The following MPPED1 variants were observed in gnomAD, a reference collection of about 807,000 sequenced individuals.
The protein encoded by MPPED1 is metallophosphoesterase domain-containing protein 1.
A neutral mutation model predicts 36.2 loss-of-function variants in MPPED1; 16 were observed. The ratio of observed to expected loss-of-function variants is 0.44; its 90% CI spans 0.30 to 0.67. The LOEUF (loss-of-function observed/expected upper bound fraction) is 0.67. Ranked by LOEUF, MPPED1 falls within the 30% of genes least tolerant of loss-of-function variation. The probability of loss-of-function intolerance (pLI) is 0.10; values close to 1 mark genes in which losing one functional copy is unlikely to be tolerated. For missense variants in MPPED1, 307 were observed against 453.4 expected (o/e 0.68, Z 2.93); for synonymous variants, 199 against 191.3 (o/e 1.04, Z -0.33).
intron 3 of MPPED1, among the ~76,000 whole-genome samples, chr22:43,455,936 A>G (rs1180093874): frequency 3.3e-5 from 5 of 152,346 alleles, no homozygotes; most frequent in African/African-American, 1.2e-4. Flanking sequence ...CAGAAATCTG[A>G]CATTCAGGTG....
At chr22:43,437,527 CCTT>C (rs1487033588) in intron 3 of MPPED1, among the ~76,000 whole-genome samples, 3 of 152,106 alleles carry the variant, frequency 2.0e-5, no homozygotes, top group African/African-American at 7.2e-5. Flanking sequence ...TGTTGCCTCT[CCTT>C]CTTGAGGTGA....
intron 6 of MPPED1, among the ~76,000 whole-genome samples, chr22:43,503,862 G>T (rs1932769822): frequency 6.6e-6 from 1 of 152,168 alleles, no homozygotes. Flanking sequence ...GGACTCCAAA[G>T]AATAGGTCCT....
chr22:43,503,030 G>A (rs1457432935), intron 6 of MPPED1, among the ~76,000 whole-genome samples: 1 of 152,234 alleles, frequency 6.6e-6, no homozygotes, highest in Non-Finnish European at 1.5e-5. Flanking sequence ...AGCCTGGGAA[G>A]CCGTCGGGAG....
chr22:43,502,831 C>T lies in MPPED1; in HGVS notation c.862+74C>T, dbSNP rs186690109. ...GGACCCTCCAGCAGGACCTCCCCTT[C>T]GTTCAGCCAGAAGGGAAATAAATAG... On this transcript the variant is annotated intron_variant, in intron 6 of 6. Coordinates refer to ENST00000443721, the MANE Select transcript of MPPED1 (RefSeq NM_001044370.2). The surrounding 1 kb of genome is among the most constrained non-coding windows in gnomAD (Gnocchi z 5.5). The T allele has an allele frequency of 3.2e-4, 403 of 1,265,120 alleles. 3 individuals are homozygous for T. In the African/African-American group the frequency reaches 5.2e-3, roughly 16 times the overall value. The allele number at this position is 1,265,120 out of a possible 1,614,324, so 78.4% of individuals were successfully genotyped here.
intron 5 of MPPED1, among the ~76,000 whole-genome samples, chr22:43,501,458 C>T (rs990721312): frequency 1.2e-4 from 18 of 152,070 alleles, no homozygotes; most frequent in African/African-American, 4.8e-5. Context: ...GCTCTCCAGA[C>T]GCCCCGCCCG....
chr22:43,442,424 C>T (rs1417126433), intron 3 of MPPED1, among the ~76,000 whole-genome samples: 1 of 152,130 alleles, frequency 6.6e-6, no homozygotes, highest in Non-Finnish European at 1.5e-5. Flanking sequence ...CGTGGCTGCC[C>T]CTTCTGACTG....
intron 2 of MPPED1, among the ~76,000 whole-genome samples, chr22:43,433,295 T>C (rs193064974): frequency 1.3e-5 from 2 of 152,236 alleles, no homozygotes; most frequent in South Asian, 2.1e-4. Context: ...GCTGGCTGTA[T>C]TGTCATCGTC....
Position 43,460,747 on chromosome 22 carries a change from T to G in MPPED1, c.407-13989T>G, listed in dbSNP as rs901400836. On this transcript the variant is annotated intron_variant, in intron 3 of 6. Transcript: ENST00000443721. Reference sequence around the variant, plus strand: ...GCTGAGGGGCTCCCTACCATTGTGTTGAGGCACATCCTCAACACCCTAGCA... The same window carrying G: ...GCTGAGGGGCTCCCTACCATTGTGTGGAGGCACATCCTCAACACCCTAGCA... Among the ~76,000 whole-genome samples the G allele has an allele frequency of 2.0e-5, 3 of 152,134 alleles. No homozygotes were observed. In the East Asian group the frequency reaches 5.8e-4, roughly 29 times the overall value.
intron 3 of MPPED1, among the ~76,000 whole-genome samples, chr22:43,453,848 T>C (rs1930659519): frequency 6.6e-6 from 1 of 152,200 alleles, no homozygotes; most frequent in South Asian, 2.1e-4. Flanking sequence ...TCAGTGGCAT[T>C]AAGACCATTC....
rs150267333 is a variant in MPPED1 at position 43,468,065 on chromosome 22, C to G, written c.407-6671C>G. On this transcript the variant is annotated intron_variant, in intron 3 of 6. Coordinates refer to ENST00000443721, the MANE Select transcript of MPPED1 (RefSeq NM_001044370.2). ...CTTGTTGCAATGTGGAATCTGTGTGCGGATACACAGCTATTTGAATACACG... is the reference window on the plus strand; with the variant it reads ...CTTGTTGCAATGTGGAATCTGTGTGGGGATACACAGCTATTTGAATACACG... Among the ~76,000 whole-genome samples, 91 of 152,244 alleles carry G rather than the reference C, an allele frequency of 6.0e-4. 6 individuals are homozygous for G. In the East Asian group the frequency reaches 0.017, roughly 29 times the overall value.
At chr22:43,412,774 T>A (rs1928950768) in intron 1 of MPPED1, among the ~76,000 whole-genome samples, 1 of 152,082 alleles carries the variant, frequency 6.6e-6, no homozygotes, top group African/African-American at 2.4e-5. Flanking sequence ...CCTAGACAGG[T>A]CCCAGCCCTC....
Position 43,470,616 on chromosome 22 carries a change from G to A in MPPED1, c.407-4120G>A, listed in dbSNP as rs115515176. 5.2e-3 allele frequency among the ~76,000 whole-genome samples: 793 copies of A among 152,292 alleles called. 4 individuals are homozygous for A. Among genetic ancestry groups the A allele is most frequent in the African/African-American group, 0.018 (749 of 41,552 alleles). ...TGCATCCATCCATCCACTGAGAGGCGGGGTAGCATGATGGTGCAGAGTACA... is the reference window on the plus strand; with the variant it reads ...TGCATCCATCCATCCACTGAGAGGCAGGGTAGCATGATGGTGCAGAGTACA... On this transcript the variant is annotated intron_variant, in intron 3 of 6. Coordinates refer to ENST00000443721, the MANE Select transcript of MPPED1 (RefSeq NM_001044370.2).
chr22:43,480,466 A>G (rs1387809751), intron 4 of MPPED1, among the ~76,000 whole-genome samples: 1 of 152,110 alleles, frequency 6.6e-6, no homozygotes, highest in East Asian at 1.9e-4. Flanking sequence ...GAGGCCGAGA[A>G]TCTCTTCCCA....
intron 4 of MPPED1, among the ~76,000 whole-genome samples, chr22:43,476,585 C>T (rs1052876464): frequency 1.2e-4 from 19 of 152,142 alleles, no homozygotes; most frequent in Non-Finnish European, 2.4e-4. Context: ...TGGCTGGAGG[C>T]GGCAGGCAGA....
Position 43,505,260 on chromosome 22 carries a change from C to T in MPPED1, c.863-238C>T, listed in dbSNP as rs1208804492. The stretch of plus-strand genomic sequence containing the variant: ...CACTGCGTGCTTCTTATGTGCCAGG[C>T]ACTGGGCCGAGCACAGTACATAGAT... On this transcript the variant is annotated intron_variant, in intron 6 of 6. Transcript: ENST00000443721. Among the ~76,000 whole-genome samples, 3 of 152,098 alleles carry T rather than the reference C, an allele frequency of 2.0e-5. No homozygotes were observed. The East Asian group carries it at 5.8e-4, about 29-fold the overall frequency.
intron 4 of MPPED1, among the ~76,000 whole-genome samples, chr22:43,495,968 G>GT: frequency 7.1e-6 from 1 of 139,868 alleles, no homozygotes; most frequent in South Asian, 2.4e-4. Context: ...GGTGGTGGTG[G>GT]AGATGGTGGT....
In MPPED1 at chr22:43,502,868, T is replaced by C. The variant is rs1932760936; in HGVS notation, c.862+111T>C. ...AGGGAAATAAATAGCCCATTCCTAC[T>C]GTTCGCTTTGTAACTGCTAACTGCC... is the stretch of plus-strand genomic sequence containing the variant. On this transcript the variant is annotated intron_variant, in intron 6 of 6. Transcript: ENST00000443721. The surrounding 1 kb of genome is among the most constrained non-coding windows in gnomAD (Gnocchi z 5.5). 1 of 883,140 alleles carries C rather than the reference T, an allele frequency of 1.1e-6. No homozygotes were observed. Among genetic ancestry groups the C allele is most frequent in the Non-Finnish European group, 1.9e-6 (1 of 539,704 alleles). The allele number at this position is 883,140 out of a possible 1,614,324, so 54.7% of individuals were successfully genotyped here.
At chr22:43,451,388 A>C (rs1930563613) in intron 3 of MPPED1, among the ~76,000 whole-genome samples, 1 of 152,236 alleles carries the variant, frequency 6.6e-6, no homozygotes, top group African/African-American at 2.4e-5. Context: ...GTTAGAATTT[A>C]GTTCTTTGAA....
intron 6 of MPPED1, among the ~76,000 whole-genome samples, chr22:43,504,894 C>T (rs367549682): frequency 1.2e-3 from 177 of 144,420 alleles, no homozygotes; most frequent in African/African-American, 4.1e-3. Context: ...ATGATAAGGG[C>T]GGTGATGTTG....
Sources: allele counts gnomAD v4.1 joint callset (sites outside exome capture counted in the v4.1 genomes callset), GRCh38; gene constraint gnomAD v4.1.1; non-coding constraint Gnocchi (gnomAD v3.1); transcripts MANE v1.5; gene names NCBI Gene and HGNC (gene_info 2026-07-23, HGNC 2026-07-21).